The following ATXN1 variants were observed in gnomAD, a reference collection of about 807,000 sequenced individuals.
The protein encoded by ATXN1 is ataxin-1.
In ATXN1, 8 loss-of-function variants were observed where a neutral mutation model predicts 56.4. That is an observed-to-expected ratio of 0.14 (90% CI 0.08 to 0.26). The LOEUF is 0.26. ATXN1 is among the 10% of genes least tolerant of loss of function. The probability of loss-of-function intolerance (pLI) is 1.00; values close to 1 mark genes in which losing one functional copy is unlikely to be tolerated. For missense variants in ATXN1, 987 were observed against 1,106.5 expected (o/e 0.89, Z 1.53); for synonymous variants, 514 against 494.6 (o/e 1.04, Z -0.52).
intron 6 of ATXN1, among the ~76,000 whole-genome samples, chr6:16,426,759 T>C (rs1350567651): frequency 1.3e-5 from 2 of 152,052 alleles, no homozygotes; most frequent in African/African-American, 4.8e-5. Flanking sequence ...TCTTGTTTTT[T>C]CCTTTCTTGT....
rs1561786371 is a variant in ATXN1 at position 16,631,488 on chromosome 6, A to T, written c.-489+26288T>A. ...GCTCTTGATATGGTGCAAAGCACTAAAATCACACAGGTGTCACAGCCAAAA... is the reference window on the plus strand; with the variant it reads ...GCTCTTGATATGGTGCAAAGCACTATAATCACACAGGTGTCACAGCCAAAA... On this transcript the variant is annotated intron_variant, in intron 3 of 7. Coordinates refer to ENST00000436367, the MANE Select transcript of ATXN1 (RefSeq NM_001128164.2). Among the ~76,000 whole-genome samples the T allele has an allele frequency of 1.3e-5, 2 of 152,312 alleles. 1 individual carries two copies. Among genetic ancestry groups the T allele is most frequent in the East Asian group, 3.9e-4 (2 of 5,188 alleles).
chr6:16,362,199 G>T (rs888642184), intron 6 of ATXN1, among the ~76,000 whole-genome samples: 1 of 152,182 alleles, frequency 6.6e-6, no homozygotes, highest in Non-Finnish European at 1.5e-5. Flanking sequence ...TAACCAGTTC[G>T]TGACTATGGA....
In ATXN1 at chr6:16,301,026, C is replaced by G. The variant is rs1475839825; in HGVS notation, c.*5303G>C. 6.6e-6 allele frequency: 1 copy of G among 151,088 alleles called. No individual in the cohort carries two copies. Among genetic ancestry groups the G allele is most frequent in the Non-Finnish European group, 1.5e-5 (1 of 67,840 alleles). The allele number at this position is 151,088 out of a possible 1,614,324, so 9.4% of individuals were successfully genotyped here. On this transcript the variant is annotated 3_prime_UTR_variant, in exon 8 of 8. Transcript: ENST00000436367. ...CAGGCCATAACCATACAAATCTGAT[C>G]ATTTAGACATGACAAATTTCTATAT...
At chr6:16,574,619 G>GT (rs1401130380) in intron 4 of ATXN1, among the ~76,000 whole-genome samples, 1 of 152,104 alleles carries the variant, frequency 6.6e-6, no homozygotes, top group Non-Finnish European at 1.5e-5. Context: ...TGTCAACTAG[G>GT]TTTTTTTGAA....
intron 3 of ATXN1, among the ~76,000 whole-genome samples, chr6:16,637,204 G>A (rs894110938): frequency 2.6e-5 from 4 of 152,148 alleles, no homozygotes; most frequent in African/African-American, 9.7e-5. Flanking sequence ...TTGGGACATG[G>A]ATGAAGCTGG....
chr6:16,465,013 T>C (rs1032589161), intron 6 of ATXN1, among the ~76,000 whole-genome samples: 9 of 152,222 alleles, frequency 5.9e-5, no homozygotes, highest in Non-Finnish European at 1.2e-4. Flanking sequence ...CTCTTTGTAC[T>C]TTCAAATCAA....
At chr6:16,579,396 G>GGTTTCA (rs1362729541) in intron 4 of ATXN1, among the ~76,000 whole-genome samples, 1 of 149,820 alleles carries the variant, frequency 6.7e-6, no homozygotes, top group African/African-American at 2.4e-5. Context: ...AATTTTTAGA[G>GGTTTCA]GTGGAAGAAA....
intron 2 of ATXN1, among the ~76,000 whole-genome samples, chr6:16,697,245 C>T (rs1759183813): frequency 6.6e-6 from 1 of 152,182 alleles, no homozygotes; most frequent in Non-Finnish European, 1.5e-5. Context: ...AGCATAACAA[C>T]AAGTATTAAG....
Position 16,657,821 on chromosome 6 carries a change from ACT to A in ATXN1, c.-536_-535del, listed in dbSNP as rs1235790083. The A allele has an allele frequency of 6.6e-6, 1 of 152,046 alleles. No individual in the cohort carries two copies. The highest frequency in any genetic ancestry group is 1.9e-4 in the East Asian group (1 of 5,190). 9.4% of individuals were successfully genotyped at this position (152,046 alleles called of 1,614,324 possible). A position where few individuals can be genotyped will look rare whatever the true frequency, so the allele number is the denominator to read the frequency against. On this transcript the variant is annotated 5_prime_UTR_variant, in exon 3 of 8. Transcript: ENST00000436367. ...AGACCATCCGTGCAGGCTGAAATCC[ACT>A]CTTTCTCTCTTGTTCCTGGTCTGCA...
intron 1 of ATXN1, among the ~76,000 whole-genome samples, chr6:16,755,168 T>C (rs1452260855): frequency 6.6e-6 from 1 of 152,204 alleles, no homozygotes; most frequent in Non-Finnish European, 1.5e-5. Flanking sequence ...GGGTCAAACA[T>C]GATGTAAATG....
chr6:16,475,549 T>C (rs998690877), intron 6 of ATXN1, among the ~76,000 whole-genome samples: 6 of 152,166 alleles, frequency 3.9e-5, no homozygotes, highest in African/African-American at 1.2e-4. Flanking sequence ...ACCTTCTTTA[T>C]AGATGAAGTA....
chr6:16,728,361 A>G (rs1171501705), intron 2 of ATXN1, among the ~76,000 whole-genome samples: 3 of 152,198 alleles, frequency 2.0e-5, no homozygotes, highest in African/African-American at 7.2e-5. Flanking sequence ...GGGCATGGAC[A>G]GTGGGGCAGA....
intron 3 of ATXN1, among the ~76,000 whole-genome samples, chr6:16,650,765 C>T (rs369801787): frequency 1.5e-4 from 23 of 152,288 alleles, no homozygotes; most frequent in Admixed American, 7.8e-4. Flanking sequence ...ATAAGGCGAA[C>T]GCTGAGCTGA....
chr6:16,411,125 CAAAAAAAAAA>C (rs746717153), intron 6 of ATXN1, among the ~76,000 whole-genome samples: 2 of 80,682 alleles, frequency 2.5e-5, no homozygotes, highest in Admixed American at 1.5e-4. Context: ...ACCTCTGTGT[CAAAAAAAAAA>C]AAAAAAAAAA....
intron 4 of ATXN1, among the ~76,000 whole-genome samples, chr6:16,544,394 G>A (rs932736300): frequency 6.6e-6 from 1 of 152,154 alleles, no homozygotes; most frequent in African/African-American, 2.4e-5. Context: ...TTTATCCGCA[G>A]GTCGGGACCC....
intron 6 of ATXN1, among the ~76,000 whole-genome samples, chr6:16,374,798 GA>G (rs1159055721): frequency 2.6e-5 from 4 of 152,214 alleles, no homozygotes; most frequent in Non-Finnish European, 5.9e-5. Context: ...GAGGAATTCT[GA>G]AAGAAGAGAA....
chr6:16,733,738 T>C (rs1199776578), intron 2 of ATXN1, among the ~76,000 whole-genome samples: 3 of 152,178 alleles, frequency 2.0e-5, no homozygotes, highest in Admixed American at 6.5e-5. Context: ...TCCCAGCTAC[T>C]TGGGAGGCTG....
At chr6:16,691,615 A>G (rs1463771256) in intron 2 of ATXN1, among the ~76,000 whole-genome samples, 1 of 152,252 alleles carries the variant, frequency 6.6e-6, no homozygotes, top group East Asian at 1.9e-4. Flanking sequence ...CTGAAGTACA[A>G]TGTCAAGAAA....
intron 2 of ATXN1, among the ~76,000 whole-genome samples, chr6:16,734,652 C>T (rs952847828): frequency 3.3e-5 from 5 of 152,060 alleles, no homozygotes; most frequent in African/African-American, 2.4e-5. Flanking sequence ...GGACCACAGG[C>T]GTGTGCTAAT....
Sources: allele counts gnomAD v4.1 joint callset (sites outside exome capture counted in the v4.1 genomes callset), GRCh38; gene constraint gnomAD v4.1.1; transcripts MANE v1.5; gene names NCBI Gene and HGNC (gene_info 2026-07-23, HGNC 2026-07-21).